Variants in IL20RA observed in about 807,000 individuals in gnomAD.
IL20RA encodes the protein interleukin 20 receptor subunit alpha.
Under a neutral mutation model 36.5 loss-of-function variants are expected in IL20RA, and 29 were observed. The observed-to-expected ratio is 0.79, with a 90% confidence interval of 0.59 to 1.08. IL20RA has a LOEUF of 1.08. Ranked by LOEUF, IL20RA falls within the 50% of genes least tolerant of loss-of-function variation. The pLI is 0.00. For missense variants in IL20RA, 652 were observed against 668.4 expected (o/e 0.98, Z 0.27); for synonymous variants, 279 against 267.1 (o/e 1.04, Z -0.43).
rs1254427308 is a variant in IL20RA, at chr6:137,001,086, G to A, written c.*472C>T. The A allele has an allele frequency of 1.3e-5, 2 of 152,938 alleles. No individual in the cohort carries two copies. The highest frequency in any genetic ancestry group is 1.3e-4 in the Admixed American group (2 of 15,378). The allele number at this position is 152,938 out of a possible 1,614,324, so 9.5% of individuals were successfully genotyped here. A position where few individuals can be genotyped will look rare whatever the true frequency, so the allele number is the denominator to read the frequency against. ...CCAACTTACCACCAACCTGGTATAT[G>A]TGCATGTTTTAAGTATCTCCTCCTG... On this transcript the variant is annotated 3_prime_UTR_variant, in exon 7 of 7. Coordinates refer to ENST00000316649, the MANE Select transcript of IL20RA (RefSeq NM_014432.4).
At chr6:137,002,882 T>A (rs1775130203) in intron 6 of IL20RA, among the ~76,000 whole-genome samples, 1 of 152,110 alleles carries the variant, frequency 6.6e-6, no homozygotes, top group Admixed American at 6.5e-5. Flanking sequence ...GCAGGGATGG[T>A]TTTTACCCCT....
Position 137,001,459 on chromosome 6 carries a change from T to C in IL20RA, c.*99A>G. ...GTAATTCTCACAGACACTGACAAACTGGAAAAAACTTCTTTCATCCCAGGT... is the reference window on the plus strand; with the variant it reads ...GTAATTCTCACAGACACTGACAAACCGGAAAAAACTTCTTTCATCCCAGGT... On this transcript the variant is annotated 3_prime_UTR_variant, in exon 7 of 7. Coordinates refer to ENST00000316649, the MANE Select transcript of IL20RA (RefSeq NM_014432.4). The C allele has an allele frequency of 9.3e-7, 1 of 1,075,132 alleles. No homozygotes were observed. The highest frequency in any genetic ancestry group is 1.7e-5 in the South Asian group (1 of 59,040). 66.6% of individuals were successfully genotyped at this position (1,075,132 alleles called of 1,614,324 possible). A position where few individuals can be genotyped will look rare whatever the true frequency, so the allele number is the denominator to read the frequency against.
Position 137,001,465 on chromosome 6 carries a change from A to G in IL20RA, c.*93T>C, listed in dbSNP as rs1372268452. ...CTCACAGACACTGACAAACTGGAAA[A>G]AACTTCTTTCATCCCAGGTACTTTA... On this transcript the variant is annotated 3_prime_UTR_variant, in exon 7 of 7. Coordinates refer to ENST00000316649, the MANE Select transcript of IL20RA (RefSeq NM_014432.4). The G allele has an allele frequency of 1.7e-6, 2 of 1,211,024 alleles. No individual in the cohort carries two copies. Among genetic ancestry groups the G allele is most frequent in the African/African-American group, 1.5e-5 (1 of 65,840 alleles). The allele number at this position is 1,211,024 out of a possible 1,614,324, so 75.0% of individuals were successfully genotyped here. A position where few individuals can be genotyped will look rare whatever the true frequency, so the allele number is the denominator to read the frequency against.
chr6:137,020,704 G>C (rs770930214), intron 1 of IL20RA, among the ~76,000 whole-genome samples: 1 of 152,118 alleles, frequency 6.6e-6, no homozygotes, highest in Non-Finnish European at 1.5e-5. Flanking sequence ...CAAATGCTTA[G>C]TTAAGCTCAT....
rs952802189 is a variant in IL20RA, at chr6:137,001,255, G to C, written c.*303C>G. The C allele has an allele frequency of 4.0e-6, 1 of 248,594 alleles. No individual in the cohort carries two copies. Among genetic ancestry groups the C allele is most frequent in the African/African-American group, 2.2e-5 (1 of 44,898 alleles). 15.4% of individuals were successfully genotyped at this position (248,594 alleles called of 1,614,324 possible). On this transcript the variant is annotated 3_prime_UTR_variant, in exon 7 of 7. Coordinates refer to ENST00000316649, the MANE Select transcript of IL20RA (RefSeq NM_014432.4). ...CTTGTTTGAAAATAATGAACCAAGA[G>C]GCCAGAGTACACCCACCTGAATAAA...
chr6:137,044,579 G>C, intron 1 of IL20RA, 62 bp downstream of exon 1: 1 of 1,212,576 alleles, frequency 8.2e-7, no homozygotes, highest in Non-Finnish European at 1.0e-6. Context: ...CTCGAGCTCT[G>C]CCTGGCGGGG....
intron 6 of IL20RA, among the ~76,000 whole-genome samples, chr6:137,004,169 T>TG (rs1775186406): frequency 7.8e-6 from 1 of 128,770 alleles, no homozygotes; most frequent in Non-Finnish European, 1.7e-5. Flanking sequence ...CTTTTTTTTT[T>TG]TTTTTTTTTT....
At chr6:137,011,807 C>T (rs1156942453) in intron 2 of IL20RA, among the ~76,000 whole-genome samples, 1 of 152,108 alleles carries the variant, frequency 6.6e-6, no homozygotes, top group Non-Finnish European at 1.5e-5. Context: ...CTACTATGTA[C>T]ACGAGGTCAG....
intron 1 of IL20RA, among the ~76,000 whole-genome samples, chr6:137,041,815 A>ATAT (rs1562245102): frequency 2.7e-5 from 4 of 149,186 alleles, no homozygotes; most frequent in African/African-American, 9.8e-5. Flanking sequence ...TTTTTTTTTA[A>ATAT]ATATATATAT....
chr6:137,008,116 C>T (rs903002030), intron 5 of IL20RA, among the ~76,000 whole-genome samples: 6 of 152,078 alleles, frequency 3.9e-5, no homozygotes, highest in African/African-American at 1.4e-4. Context: ...TACAGGCATG[C>T]ACTACCAAGC....
chr6:137,032,064 AAAAAAAAGAAAAG>A (rs1318967778), intron 1 of IL20RA, among the ~76,000 whole-genome samples: 10 of 151,160 alleles, frequency 6.6e-5, no homozygotes, highest in Admixed American at 3.3e-4. Flanking sequence ...AAAAAAAAAA[AAAAAAAAGAAAAG>A]AAAAAAAAGA....
At chr6:137,027,557 C>T (rs1334036191) in intron 1 of IL20RA, among the ~76,000 whole-genome samples, 1 of 152,194 alleles carries the variant, frequency 6.6e-6, no homozygotes, top group Non-Finnish European at 1.5e-5. Context: ...GCCCTCAAGC[C>T]AGTTACTTAA....
At position 137,017,103 on chromosome 6, in the gene IL20RA, ACTG is replaced by A; in HGVS notation, c.89-3_89-1del. On this transcript the variant is annotated splice_acceptor_variant and splice_polypyrimidine_tract_variant and intron_variant, in intron 1 of 6. Coordinates refer to ENST00000316649, the MANE Select transcript of IL20RA (RefSeq NM_014432.4). LOFTEE classifies it high-confidence loss of function. The stretch of plus-strand genomic sequence containing the variant: ...AGGCAAACCACCAGAGACACAGGGA[ACTG>A]AAAAAGGAGCAGAAAGGAATTGAGG... 1 of 1,612,250 alleles carries A rather than the reference ACTG, an allele frequency of 6.2e-7. No homozygotes were observed. Among genetic ancestry groups the A allele is most frequent in the South Asian group, 1.1e-5 (1 of 90,740 alleles).
Position 137,009,318 on chromosome 6 carries a change from G to T in IL20RA, c.578C>A (p.Thr193Lys), listed in dbSNP as rs142288648. The change falls in exon 4 of 7, where the codon ACG becomes AAG. Residue 193 changes from threonine (T) to lysine (K), a missense_variant and splice_region_variant. Physicochemically the swap from Thr to Lys is moderately conservative, Grantham distance 78 (BLOSUM62 -1). Coordinates refer to ENST00000316649, the MANE Select transcript of IL20RA (RefSeq NM_014432.4). ...TGCCCCATTCCATTTCAGGCTTACC[G>T]TTCTGTTTGATTTAGTATTCAACAC... is the stretch of plus-strand genomic sequence containing the variant. ...VSVLNTKSNRTWSQCVTNHTL... is the reference protein window; with the variant it reads ...VSVLNTKSNRKWSQCVTNHTL... The T allele has an allele frequency of 7.4e-6, 12 of 1,611,694 alleles. No homozygotes were observed. The highest frequency in any genetic ancestry group is 1.0e-5 in the Non-Finnish European group (12 of 1,177,826).
At position 137,009,371 on chromosome 6, in the gene IL20RA, T is replaced by C. The variant is rs140193064; in HGVS notation, c.525A>G (p.Ile175Met). ...ACACGTTATACTTCAGATTGGAGTA[T>C]ATTTGTTGCATGGAAACAGGAAGGT... The part of the protein sequence containing the change: ...PEDLPVSMQQ[I>M]YSNLKYNVSV... The change falls in exon 4 of 7, where the codon ATA (isoleucine) becomes ATG (methionine). Residue 175 changes from isoleucine to methionine, a missense_variant. Transcript: ENST00000316649. 1 of 1,613,470 alleles carries C rather than the reference T, an allele frequency of 6.2e-7. No homozygotes were observed. Among genetic ancestry groups the C allele is most frequent in the Non-Finnish European group, 8.5e-7 (1 of 1,179,566 alleles).
intron 1 of IL20RA, among the ~76,000 whole-genome samples, chr6:137,037,333 A>G (rs1054777315): frequency 1.3e-5 from 2 of 152,238 alleles, no homozygotes; most frequent in Non-Finnish European, 1.5e-5. Flanking sequence ...GATAATATTT[A>G]TAGTCAATAA....
At chr6:137,037,071 T>C (rs1776515857) in intron 1 of IL20RA, among the ~76,000 whole-genome samples, 1 of 152,114 alleles carries the variant, frequency 6.6e-6, no homozygotes. Context: ...TGTAGCTGTA[T>C]GGAATGGAAC....
Position 137,005,649 on chromosome 6 carries a change from G to T in IL20RA, c.725-889C>A, listed in dbSNP as rs900723830. 6.6e-5 allele frequency among the ~76,000 whole-genome samples: 10 copies of T among 151,978 alleles called. No homozygotes were observed. In the South Asian group the frequency reaches 1.7e-3, roughly 25 times the overall value. On this transcript the variant is annotated intron_variant, in intron 5 of 6. Coordinates refer to ENST00000316649, the MANE Select transcript of IL20RA (RefSeq NM_014432.4). Reference sequence around the variant, plus strand: ...TCTAGAGCCTTCTGTGAAGGTTTTTGTTGTTGTTGTTGTTGTTTTTTTTAA... The same window carrying T: ...TCTAGAGCCTTCTGTGAAGGTTTTTTTTGTTGTTGTTGTTGTTTTTTTTAA...
chr6:137,036,124 G>A (rs1319911796), intron 1 of IL20RA, among the ~76,000 whole-genome samples: 1 of 152,186 alleles, frequency 6.6e-6, no homozygotes, highest in African/African-American at 2.4e-5. Context: ...CCTCGTCCGG[G>A]CTCTCAACAT....
Sources: allele counts gnomAD v4.1 joint callset (sites outside exome capture counted in the v4.1 genomes callset), GRCh38; gene constraint gnomAD v4.1.1; transcripts MANE v1.5; gene names NCBI Gene and HGNC (gene_info 2026-07-23, HGNC 2026-07-21).